ZNF536: variants seen among roughly 807,000 people sequenced by gnomAD.
The protein encoded by ZNF536 is zinc finger protein 536.
A neutral mutation model predicts 84.5 loss-of-function variants in ZNF536; 13 were observed. The ratio of observed to expected loss-of-function variants is 0.15; its 90% confidence interval spans 0.10 to 0.24. ZNF536 has a LOEUF of 0.24. Among genes scored for constraint, ZNF536 ranks in the 10% least tolerant of loss-of-function variants. ZNF536 has a pLI of 1.00. For synonymous variants in ZNF536, 811 were observed against 742.5 expected, an observed-to-expected ratio of 1.09 and a Z score of -1.50; for missense variants, 1,536 against 1,747.5, an observed-to-expected ratio of 0.88 and a Z score of 2.16.
intron 3 of ZNF536, among the ~76,000 whole-genome samples, chr19:30,536,956 C>G (rs2045108131): frequency 6.6e-6 from 1 of 152,158 alleles, no homozygotes; most frequent in South Asian, 2.1e-4. Context: ...GGCAGTGGAC[C>G]CCCCGCCCCA....
chr19:30,533,818 T>C (rs2044959700), intron 2 of ZNF536, among the ~76,000 whole-genome samples: 1 of 152,230 alleles, frequency 6.6e-6, no homozygotes, highest in African/African-American at 2.4e-5. Flanking sequence ...TTAGATTCTG[T>C]GCCAGGCCTT....
At position 30,610,850 on chromosome 19, in the gene ZNF536, C is replaced by A. The variant is rs76474431; in HGVS notation, c.169+61336C>A. 4.7e-3 allele frequency among the ~76,000 whole-genome samples: 714 copies of A among 152,248 alleles called. 7 individuals carry two copies. Among genetic ancestry groups the A allele is most frequent in the African/African-American group, 0.016 (680 of 41,538 alleles). ...CTAGCCATGAGAAGGAATAGCATGC[C>A]CATGTTCATGCATTCTTCAGAAATT... On this transcript the variant is annotated intron_variant, in intron 1 of 1. Coordinates refer to the ZNF536 transcript ENST00000592773.
At chr19:30,254,147 A>G (rs1052289435) in intron 1 of ZNF536, among the ~76,000 whole-genome samples, 1 of 152,174 alleles carries the variant, frequency 6.6e-6, no homozygotes, top group Non-Finnish European at 1.5e-5. Flanking sequence ...GAAAAGAAAG[A>G]TTATGTCTAT....
intron 3 of ZNF536, among the ~76,000 whole-genome samples, chr19:30,365,951 C>T (rs1467443920): frequency 6.6e-6 from 1 of 152,084 alleles, no homozygotes; most frequent in Non-Finnish European, 1.5e-5. Flanking sequence ...AGGAGTTTCT[C>T]TATGTATCAT....
At chr19:30,339,420 G>T (rs1016866142) in intron 2 of ZNF536, among the ~76,000 whole-genome samples, 12 of 152,234 alleles carry the variant, frequency 7.9e-5, no homozygotes, top group Non-Finnish European at 1.8e-4. Flanking sequence ...TCACTCATCT[G>T]CTGGGTGAGG....
intron 1 of ZNF536, among the ~76,000 whole-genome samples, chr19:30,249,185 C>T (rs574501398): frequency 6.6e-6 from 1 of 152,294 alleles, no homozygotes; most frequent in East Asian, 1.9e-4. Flanking sequence ...GGATACAATA[C>T]ACAATCTCTC....
intron 1 of ZNF536, among the ~76,000 whole-genome samples, chr19:30,669,889 TGGA>T (rs970443214): frequency 5.3e-5 from 8 of 152,226 alleles, no homozygotes; most frequent in African/African-American, 1.9e-4. Context: ...AGTGCTAGGC[TGGA>T]GGAGTTCTAT....
chr19:30,266,844 A>T (rs184245390), intron 1 of ZNF536, among the ~76,000 whole-genome samples: 1 of 152,120 alleles, frequency 6.6e-6, no homozygotes, highest in East Asian at 1.9e-4. Flanking sequence ...TCATATTTTA[A>T]CACACACACA....
rs747436182 is a variant in ZNF536 at position 30,445,391 on chromosome 19, A to G, written c.1829A>G (p.His610Arg). The stretch of plus-strand genomic sequence containing the variant: ...GAAAGCAGTCGGGATTTTTTGTCAC[A>G]CGGGCTGAACCAGACTCTCGAGTAT... ...PLESSRDFLS[H>R]GLNQTLEYNL... Residue 610 changes from histidine (H) to arginine (R), a missense_variant, in exon 2 of 5, where the codon CAC becomes CGC. Around this residue, in one of 8 missense-constraint regions of ZNF536, gnomAD observed 366 missense variants for 364.4 expected, o/e 1.00. Coordinates refer to ENST00000355537, the MANE Select transcript of ZNF536 (RefSeq NM_014717.3). This position sits in a 1 kb window ranked among gnomAD's most constrained non-coding sequence, Gnocchi z 4.5. The G allele has an allele frequency of 3.1e-6, 5 of 1,614,120 alleles. No homozygotes were observed. The highest frequency in any genetic ancestry group is 4.2e-6 in the Non-Finnish European group (5 of 1,180,012).
intron 3 of ZNF536, among the ~76,000 whole-genome samples, chr19:30,358,304 C>G (rs1380798535): frequency 1.3e-5 from 2 of 152,206 alleles, no homozygotes; most frequent in Non-Finnish European, 2.9e-5. Flanking sequence ...GAACCAGAAC[C>G]CACGCATTTA....
At chr19:30,391,404 C>T (rs555796192) in intron 1 of ZNF536, among the ~76,000 whole-genome samples, 2 of 152,264 alleles carry the variant, frequency 1.3e-5, no homozygotes, top group East Asian at 3.9e-4. Context: ...TCGTGAAACC[C>T]CATCTCTACT....
At chr19:30,686,476 C>G (rs1427717693) in intron 1 of ZNF536, among the ~76,000 whole-genome samples, 3 of 150,870 alleles carry the variant, frequency 2.0e-5, no homozygotes, top group Non-Finnish European at 4.4e-5. Context: ...GAAGCTGCAG[C>G]CCCCCCAAGT....
At chr19:30,520,995 G>T (rs2044298651) in intron 2 of ZNF536, among the ~76,000 whole-genome samples, 1 of 152,226 alleles carries the variant, frequency 6.6e-6, no homozygotes, top group Non-Finnish European at 1.5e-5. Flanking sequence ...GGTTTAAAGT[G>T]CATGCAGCTT....
chr19:30,548,422 G>A lies in ZNF536; in HGVS notation c.2803G>A (p.Asp935Asn), dbSNP rs758854495. Reference sequence around the variant, plus strand: ...CCTCAGTTCCTTGAAGAAGGAGAAGGACATGAAGGACAAAGCCCTGGCTGA... The same window carrying A: ...CCTCAGTTCCTTGAAGAAGGAGAAGAACATGAAGGACAAAGCCCTGGCTGA... ...FVLSSLKKEK[D>N]MKDKALADPP... Residue 935 changes from aspartate to asparagine, a missense_variant, in exon 4 of 5, where the codon GAC (aspartate) becomes AAC (asparagine). Asp to Asn is a conservative substitution (Grantham distance 23). This residue lies in a region of ZNF536 where 624 missense variants were observed against 603.1 expected (regional missense o/e 1.03). Coordinates refer to ENST00000355537, the MANE Select transcript of ZNF536 (RefSeq NM_014717.3). 3.3e-5 allele frequency: 53 copies of A among 1,614,066 alleles called. No homozygotes were observed. Among genetic ancestry groups the A allele is most frequent in the Non-Finnish European group, 4.2e-5 (49 of 1,180,044 alleles).
downstream of ZNF536, among the ~76,000 whole-genome samples, chr19:30,560,799 G>A (rs1473710823): frequency 1.3e-5 from 2 of 152,246 alleles, no homozygotes; most frequent in Non-Finnish European, 2.9e-5. Flanking sequence ...TATTCCATAA[G>A]TATAGTCACT....
intron 2 of ZNF536, among the ~76,000 whole-genome samples, chr19:30,532,577 T>C (rs945595915): frequency 2.0e-5 from 3 of 152,118 alleles, no homozygotes; most frequent in African/African-American, 7.2e-5. Flanking sequence ...CCAGGAGCAC[T>C]TGGGCAGAAT....
At chr19:30,704,905 T>C (rs2148028249) in intron 1 of ZNF536, among the ~76,000 whole-genome samples, 1 of 150,730 alleles carries the variant, frequency 6.6e-6, no homozygotes, top group South Asian at 2.1e-4. Flanking sequence ...CACAGGGACG[T>C]ATTCAGCAGA....
intron 2 of ZNF536, among the ~76,000 whole-genome samples, chr19:30,329,532 T>C (rs987024967): frequency 6.6e-6 from 1 of 152,140 alleles, no homozygotes; most frequent in Non-Finnish European, 1.5e-5. Flanking sequence ...ACCAATACAA[T>C]GCAACAGCCA....
chr19:30,562,358 T>A (rs574714627), downstream of ZNF536, among the ~76,000 whole-genome samples: 1 of 152,308 alleles, frequency 6.6e-6, no homozygotes, highest in Non-Finnish European at 1.5e-5. Context: ...GCCATTCCAG[T>A]GCACGGGCAT....
Sources: allele counts gnomAD v4.1 joint callset (sites outside exome capture counted in the v4.1 genomes callset), GRCh38; gene constraint gnomAD v4.1.1; regional missense constraint gnomAD v4.1.1; non-coding constraint Gnocchi (gnomAD v3.1); transcripts MANE v1.5; gene names NCBI Gene and HGNC (gene_info 2026-07-23, HGNC 2026-07-21).